The following CNTN5 variants were observed in gnomAD, a reference collection of about 807,000 sequenced individuals.
The protein encoded by CNTN5 is contactin 5, also known as contactin-5.
Under a neutral mutation model 129.1 loss-of-function variants are expected in CNTN5, and 77 were observed. That is an observed-to-expected ratio of 0.60 (90% CI 0.50 to 0.72). CNTN5 has a LOEUF of 0.72. Among genes scored for constraint, CNTN5 ranks in the 30% least tolerant of loss-of-function variants. The probability of loss-of-function intolerance (pLI) is 0.00; values close to 1 mark genes in which losing one functional copy is unlikely to be tolerated. For synonymous variants in CNTN5, 509 were observed against 465.6 expected (o/e 1.09, Z -1.20); for missense variants, 1,478 against 1,328.8 (o/e 1.11, Z -1.75).
chr11:99,478,084 T>G (rs1356842416), intron 2 of CNTN5, among the ~76,000 whole-genome samples: 1 of 152,138 alleles, frequency 6.6e-6, no homozygotes, highest in Non-Finnish European at 1.5e-5. Context: ...TCTATTGTGC[T>G]GTAACACATT....
intron 3 of CNTN5, among the ~76,000 whole-genome samples, chr11:99,745,675 T>G (rs557733253): frequency 6.6e-6 from 1 of 152,218 alleles, no homozygotes; most frequent in Non-Finnish European, 1.5e-5. Context: ...TTCAAATATT[T>G]GCTTTTCTTA....
intron 2 of CNTN5, among the ~76,000 whole-genome samples, chr11:99,415,776 G>A (rs1368944630): frequency 3.3e-5 from 5 of 152,194 alleles, no homozygotes; most frequent in East Asian, 1.9e-4. Context: ...ACAGATAGTC[G>A]TGCAATCATT....
At chr11:99,031,684 G>T (rs1244798376) in intron 1 of CNTN5, among the ~76,000 whole-genome samples, 2 of 151,526 alleles carry the variant, frequency 1.3e-5, no homozygotes, top group Non-Finnish European at 2.9e-5. Flanking sequence ...AAACAAAGGT[G>T]TCTTTTAATC....
At chr11:100,243,973 T>G (rs1319655214) in intron 16 of CNTN5, among the ~76,000 whole-genome samples, 1 of 152,154 alleles carries the variant, frequency 6.6e-6, no homozygotes, top group Non-Finnish European at 1.5e-5. Context: ...ATTCTTCCAA[T>G]TTATCCAAGT....
intron 1 of CNTN5, among the ~76,000 whole-genome samples, chr11:99,294,993 G>C (rs929992989): frequency 1.6e-4 from 24 of 152,162 alleles, no homozygotes; most frequent in African/African-American, 5.6e-4. Flanking sequence ...TCCAGTCTCA[G>C]AATGTCATTC....
At chr11:99,681,783 T>G (rs1417905599) in intron 3 of CNTN5, among the ~76,000 whole-genome samples, 1 of 152,020 alleles carries the variant, frequency 6.6e-6, no homozygotes. Context: ...ATCTATATAT[T>G]GAAAAACTAC....
At chr11:99,811,008 T>G (rs893805299) in intron 3 of CNTN5, among the ~76,000 whole-genome samples, 1 of 152,112 alleles carries the variant, frequency 6.6e-6, no homozygotes, top group Non-Finnish European at 1.5e-5. Context: ...GTACTATAAT[T>G]TATTTATATT....
chr11:99,306,795 A>G (rs1235253991), intron 1 of CNTN5, among the ~76,000 whole-genome samples: 2 of 150,570 alleles, frequency 1.3e-5, no homozygotes. Context: ...TTATTGTGAT[A>G]ATATACACAT....
chr11:99,888,213 G>C (rs1948950868), intron 6 of CNTN5, among the ~76,000 whole-genome samples: 1 of 152,108 alleles, frequency 6.6e-6, no homozygotes, highest in African/African-American at 2.4e-5. Context: ...AGAGGTAGAT[G>C]CTTACTCTTC....
chr11:99,929,180 G>T (rs1950134052), intron 7 of CNTN5, among the ~76,000 whole-genome samples: 4 of 152,138 alleles, frequency 2.6e-5, no homozygotes, highest in African/African-American at 7.2e-5. Context: ...GGACTTCATT[G>T]TCCATATCAC....
At chr11:99,832,242 T>A (rs1284188636) in intron 4 of CNTN5, among the ~76,000 whole-genome samples, 2 of 152,198 alleles carry the variant, frequency 1.3e-5, no homozygotes, top group African/African-American at 4.8e-5. Flanking sequence ...ATTAAAATGA[T>A]ATATAACATA....
intron 1 of CNTN5, chr11:99,120,256 A>G (rs906523612): frequency 6.6e-6 from 1 of 152,204 alleles, no homozygotes; most frequent in African/African-American, 2.4e-5. Flanking sequence ...GATTCGGCTC[A>G]TCTGGCTAGA....
chr11:99,220,789 T>C (rs1165397320), intron 1 of CNTN5, among the ~76,000 whole-genome samples: 10 of 151,886 alleles, frequency 6.6e-5, no homozygotes, highest in Non-Finnish European at 1.3e-4. Flanking sequence ...TGTGTTCTCT[T>C]AACCCATACA....
At chr11:99,915,706 A>G (rs1371024928) in intron 6 of CNTN5, among the ~76,000 whole-genome samples, 1 of 152,150 alleles carries the variant, frequency 6.6e-6, no homozygotes, top group East Asian at 1.9e-4. Context: ...TCTTTTCACT[A>G]TGAGAGAATG....
chr11:99,269,498 A>G (rs533542979), intron 1 of CNTN5, among the ~76,000 whole-genome samples: 4 of 151,778 alleles, frequency 2.6e-5, no homozygotes, highest in Non-Finnish European at 4.4e-5. Flanking sequence ...TTTATTCTAA[A>G]CAGGTACGTG....
At chr11:99,511,761 T>C (rs958463419) in intron 2 of CNTN5, among the ~76,000 whole-genome samples, 2 of 152,054 alleles carry the variant, frequency 1.3e-5, no homozygotes, top group Non-Finnish European at 2.9e-5. Flanking sequence ...GCATGGCACA[T>C]GTATACATAT....
At chr11:99,823,241 A>G (rs1435911286) in intron 4 of CNTN5, among the ~76,000 whole-genome samples, 2 of 152,100 alleles carry the variant, frequency 1.3e-5, no homozygotes, top group Non-Finnish European at 2.9e-5. Flanking sequence ...TACTATTTTA[A>G]CTGTAATTCT....
At chr11:99,843,636 C>T (rs561340924) in intron 4 of CNTN5, among the ~76,000 whole-genome samples, 1 of 152,196 alleles carries the variant, frequency 6.6e-6, no homozygotes, top group East Asian at 1.9e-4. Flanking sequence ...TCCTAGAGCA[C>T]ATATAACAAT....
intron 8 of CNTN5, among the ~76,000 whole-genome samples, chr11:99,988,470 GA>G (rs1301770009): frequency 2.0e-5 from 3 of 152,270 alleles, no homozygotes; most frequent in South Asian, 2.1e-4. Context: ...TCCTTCTGAA[GA>G]ATGATAAAAC....
Sources: gnomAD v4.1 joint callset for allele counts (sites outside exome capture counted in the v4.1 genomes callset) on GRCh38, gnomAD v4.1.1 for gene constraint, MANE v1.5 for transcripts, NCBI Gene and HGNC (gene_info 2026-07-23, HGNC 2026-07-21) for gene names.